COL4A1: variants seen among roughly 807,000 people sequenced by gnomAD.
COL4A1 encodes collagen alpha-1(IV) chain.
Under a neutral mutation model 216.6 loss-of-function variants are expected in COL4A1, and 40 were observed. The observed-to-expected ratio is 0.18, with a 90% CI of 0.14 to 0.24. COL4A1 has a LOEUF of 0.24. Among genes scored for constraint, COL4A1 ranks in the 10% least tolerant of loss-of-function variants. The pLI is 1.00. For synonymous variants in COL4A1, 839 were observed against 810.7 expected, an observed-to-expected ratio of 1.03 and a Z score of -0.59; for missense variants, 1,628 against 2,196.8, an observed-to-expected ratio of 0.74 and a Z score of 5.18.
intron 1 of COL4A1, among the ~76,000 whole-genome samples, chr13:110,251,246 C>A (rs1188288894): frequency 6.6e-6 from 1 of 152,222 alleles, no homozygotes; most frequent in African/African-American, 2.4e-5. Context: ...CCTGGTGCCA[C>A]CCTGGCCTGC....
chr13:110,156,795 G>A (rs1226518211), intron 49 of COL4A1, among the ~76,000 whole-genome samples: 1 of 152,180 alleles, frequency 6.6e-6, no homozygotes, highest in African/African-American at 2.4e-5. Flanking sequence ...GTTATACTGG[G>A]ACATTTGCAT....
rs1020660851 is a variant in COL4A1, at chr13:110,204,926, C to T, written c.957+427G>A. ...CTGACGGCCATTGAAATAGATCCTC[C>T]TTCTATCATTACGTGAAAAAGCAAG... On this transcript the variant is annotated intron_variant, in intron 17 of 51. Coordinates refer to ENST00000375820, the MANE Select transcript of COL4A1 (RefSeq NM_001845.6). Among the ~76,000 whole-genome samples, 14 of 152,174 alleles carry T rather than the reference C, an allele frequency of 9.2e-5. 1 individual carries two copies. The highest frequency in any genetic ancestry group is 3.4e-4 in the African/African-American group (14 of 41,428).
At chr13:110,206,939 T>G in intron 13 of COL4A1, 48 bp from the exon 14 acceptor site, 1 of 1,600,688 alleles carries the variant, frequency 6.2e-7, no homozygotes. Context: ...AGCTGTATCA[T>G]TTGTTATATG....
At chr13:110,306,091 AAAC>A (rs1202352383) in intron 1 of COL4A1, 1 of 152,206 alleles carries the variant, frequency 6.6e-6, no homozygotes, top group Non-Finnish European at 1.5e-5. Flanking sequence ...GGAAAAAAGG[AAAC>A]AACAGTCAGT....
chr13:110,219,267 T>C (rs1880256103), intron 2 of COL4A1, among the ~76,000 whole-genome samples: 1 of 152,218 alleles, frequency 6.6e-6, no homozygotes, highest in South Asian at 2.1e-4. Flanking sequence ...CTTTGCTCTA[T>C]GAGACATACA....
rs144960072 is a variant in COL4A1, at chr13:110,277,531, C to G, written c.84+29413G>C. ...CTTCCTCAGCTGTGTGTGGGACCCA[C>G]CTCCAGCTTCCCAGGGTCTGCACTC... On this transcript the variant is annotated intron_variant, in intron 1 of 51. Coordinates refer to ENST00000375820, the MANE Select transcript of COL4A1 (RefSeq NM_001845.6). Among the ~76,000 whole-genome samples, 77 of 152,310 alleles carry G rather than the reference C, an allele frequency of 5.1e-4. 1 individual carries two copies. Among genetic ancestry groups the G allele is most frequent in the African/African-American group, 1.7e-3 (72 of 41,566 alleles).
chr13:110,302,105 C>A (rs1357896655), intron 1 of COL4A1, among the ~76,000 whole-genome samples: 2 of 152,140 alleles, frequency 1.3e-5, no homozygotes, highest in East Asian at 3.9e-4. Context: ...GAAGGGAAAG[C>A]TGCGGGCACC....
chr13:110,166,693 C>T (rs986474828), intron 44 of COL4A1, among the ~76,000 whole-genome samples: 12 of 152,096 alleles, frequency 7.9e-5, no homozygotes, highest in African/African-American at 2.9e-4. Context: ...TAAAATGATC[C>T]AACTAGTGGA....
At chr13:110,155,429 CG>C (rs1160904175) in intron 49 of COL4A1, 32 bp from the exon 50 acceptor site, 1 of 1,554,802 alleles carries the variant, frequency 6.4e-7, no homozygotes, top group East Asian at 2.3e-5. Context: ...TCAGCACAGC[CG>C]GGGTGCAGGG....
intron 1 of COL4A1, among the ~76,000 whole-genome samples, chr13:110,285,005 C>A (rs1402254529): frequency 6.6e-6 from 1 of 152,228 alleles, no homozygotes; most frequent in Non-Finnish European, 1.5e-5. Context: ...ATGGCCCTTT[C>A]TGTAGCGAGG....
chr13:110,213,892 A>T (rs780917169), intron 3 of COL4A1, 34 bp downstream of exon 3: 5 of 1,612,694 alleles, frequency 3.1e-6, no homozygotes, highest in Non-Finnish European at 3.4e-6. Context: ...GCAATCTTAC[A>T]TCCACCCACC....
intron 1 of COL4A1, among the ~76,000 whole-genome samples, chr13:110,285,884 A>C (rs936788413): frequency 6.6e-6 from 1 of 152,028 alleles, no homozygotes; most frequent in African/African-American, 2.4e-5. Flanking sequence ...TCTATAAACT[A>C]TCTGGATGTA....
intron 49 of COL4A1, 52 bp downstream of exon 49, chr13:110,161,140 A>C: frequency 9.6e-6 from 15 of 1,567,066 alleles, no homozygotes; most frequent in Non-Finnish European, 1.3e-5. Flanking sequence ...TGTCCAGACT[A>C]GAGACTTTTC....
Position 110,179,373 on chromosome 13 carries a change from G to A in COL4A1, c.2242C>T (p.Pro748Ser). 6 of 1,614,096 alleles carry A rather than the reference G, an allele frequency of 3.7e-6. No individual in the cohort carries two copies. The highest frequency in any genetic ancestry group is 5.1e-6 in the Non-Finnish European group (6 of 1,180,018). The change falls in exon 30 of 52, where the codon CCC (proline) becomes TCC (serine). Residue 748 changes from proline (P) to serine (S), a missense_variant. Transcript: ENST00000375820. ...LPGLKGLPGLPGIPGTPGEKG... is the reference protein window; with the variant it reads ...LPGLKGLPGLSGIPGTPGEKG... Reference sequence around the variant, plus strand: ...TCCCCGGGTGTGCCAGGAATGCCGGGAAGACCTGGCAAACCTTTGAGTCCC... The same window carrying A: ...TCCCCGGGTGTGCCAGGAATGCCGGAAAGACCTGGCAAACCTTTGAGTCCC...
At chr13:110,172,012 AAAC>A (rs1260225490) in intron 41 of COL4A1, among the ~76,000 whole-genome samples, 4 of 152,232 alleles carry the variant, frequency 2.6e-5, no homozygotes, top group African/African-American at 9.6e-5. Flanking sequence ...GGGGTGGGAG[AAAC>A]AACACCTCCG....
intron 1 of COL4A1, 140 bp from the exon 2 acceptor site, chr13:110,242,874 G>A: frequency 1.1e-6 from 1 of 904,908 alleles, no homozygotes; most frequent in Non-Finnish European, 1.8e-6. Context: ...TATCTGCACT[G>A]GTTTTCATGG....
At chr13:110,169,556 C>T (rs1877509681) in intron 43 of COL4A1, 73 bp downstream of exon 43, 3 of 1,603,428 alleles carry the variant, frequency 1.9e-6, no homozygotes, top group African/African-American at 1.3e-5. Flanking sequence ...TACATACACA[C>T]ATAGACACAT....
intron 1 of COL4A1, among the ~76,000 whole-genome samples, chr13:110,281,668 T>C (rs1026250840): frequency 3.3e-5 from 5 of 152,216 alleles, no homozygotes; most frequent in African/African-American, 1.2e-4. Flanking sequence ...AGTAAAGTCT[T>C]ACCCACTTTA....
intron 49 of COL4A1, among the ~76,000 whole-genome samples, chr13:110,159,392 C>T (rs1322827462): frequency 3.9e-5 from 6 of 152,118 alleles, no homozygotes; most frequent in Admixed American, 1.3e-4. Context: ...TGCGGTATTA[C>T]GATTTCATAG....
Sources: gnomAD v4.1 joint callset for allele counts (sites outside exome capture counted in the v4.1 genomes callset) on GRCh38, gnomAD v4.1.1 for gene constraint, MANE v1.5 for transcripts, NCBI Gene and HGNC (gene_info 2026-07-23, HGNC 2026-07-21) for gene names.